The following TENM1 variants were observed in gnomAD, a reference collection of about 807,000 sequenced individuals.
TENM1 encodes the protein teneurin-1.
A neutral mutation model predicts 174.8 loss-of-function variants in TENM1; 35 were observed. The ratio of observed to expected loss-of-function variants is 0.20; its 90% confidence interval spans 0.15 to 0.27. TENM1 has a LOEUF of 0.27. Ranked by LOEUF, TENM1 falls within the 10% of genes least tolerant of loss-of-function variation. TENM1 has a pLI of 1.00. For missense variants in TENM1, 1,633 were observed against 2,130.1 expected, an observed-to-expected ratio of 0.77 and a Z score of 4.59; for synonymous variants, 781 against 798.7, an observed-to-expected ratio of 0.98 and a Z score of 0.37.
chrX:124,612,193 T>C (rs754018130), intron 11 of TENM1, among the ~76,000 whole-genome samples: 2 of 111,250 alleles, frequency 1.8e-5, no homozygotes, highest in Non-Finnish European at 1.9e-5. Context: ...GTTAGAACAA[T>C]GATTTCAAGG....
At chrX:124,914,728 A>G (rs1171502913) in intron 1 of TENM1, among the ~76,000 whole-genome samples, 1 of 111,150 alleles carries the variant, frequency 9.0e-6, no homozygotes, top group Non-Finnish European at 1.9e-5. Flanking sequence ...TTCACATTCA[A>G]TAATCTCTGG....
intron 3 of TENM1, among the ~76,000 whole-genome samples, chrX:124,777,728 A>C (rs1603185365): frequency 8.9e-6 from 1 of 112,575 alleles, no homozygotes; most frequent in South Asian, 3.7e-4. Context: ...TAACATTTAA[A>C]GTGTGGAATA....
At chrX:125,024,236 T>A in the TENM1 span, among the ~76,000 whole-genome samples, 1 of 110,176 alleles carries the variant, frequency 9.1e-6, no homozygotes, top group African/African-American at 3.3e-5. Flanking sequence ...AAGGAAAAAA[T>A]ATCATTATAT....
chrX:125,116,883 C>T, the TENM1 span, among the ~76,000 whole-genome samples: 25 of 109,735 alleles, frequency 2.3e-4, no homozygotes, highest in Admixed American at 2.9e-4. Flanking sequence ...TAGTGGTGTG[C>T]GCCTATATTC....
the TENM1 span, among the ~76,000 whole-genome samples, chrX:125,176,849 A>G: frequency 2.7e-5 from 3 of 111,668 alleles, no homozygotes; most frequent in African/African-American, 9.7e-5. Context: ...AAGATGAATA[A>G]TAACTTCATG....
rs187243837 is a variant in TENM1, at chrX:124,876,421, A to G, written c.535+17875T>C. The stretch of plus-strand genomic sequence containing the variant: ...TTGTAGTGTATTATTTTTCTGTTAT[A>G]TTGCTGGACCTTGTGGGCTAGTATT... On this transcript the variant is annotated intron_variant, in intron 3 of 31. Transcript: ENST00000422452. 2.8e-3 allele frequency among the ~76,000 whole-genome samples: 313 copies of G among 111,352 alleles called. 3 individuals carry two copies. The highest frequency in any genetic ancestry group is 9.9e-3 in the African/African-American group (303 of 30,674).
the TENM1 span, among the ~76,000 whole-genome samples, chrX:125,046,784 G>C: frequency 3.6e-5 from 4 of 110,760 alleles, no homozygotes; most frequent in African/African-American, 1.3e-4. Context: ...AGAAAATTGA[G>C]ACAAAAGAAC....
the TENM1 span, among the ~76,000 whole-genome samples, chrX:124,979,798 A>G: frequency 9.0e-6 from 1 of 111,695 alleles, no homozygotes; most frequent in South Asian, 3.7e-4. Context: ...GAAGGGAAAT[A>G]TGAGGATCAT....
chrX:124,942,590 C>T (rs1418863619), intron 1 of TENM1, among the ~76,000 whole-genome samples: 12 of 111,591 alleles, frequency 1.1e-4, no homozygotes, highest in African/African-American at 3.9e-4. Flanking sequence ...TAGCATTGGG[C>T]AGAGAGGTAA....
chrX:124,734,429 G>A (rs1040861940), intron 4 of TENM1, among the ~76,000 whole-genome samples: 1 of 108,756 alleles, frequency 9.2e-6, no homozygotes, highest in Non-Finnish European at 1.9e-5. Flanking sequence ...CAGCCTGGGC[G>A]ACAGAAGGAG....
chrX:124,520,409 T>C, intron 18 of TENM1, 108 bp downstream of exon 21: 1 of 873,002 alleles, frequency 1.1e-6, no homozygotes, highest in Non-Finnish European at 1.6e-6. Context: ...TTAGGTCCTT[T>C]AAACAGAAGA....
chrX:124,662,235 A>G (rs961266897), intron 6 of TENM1, among the ~76,000 whole-genome samples: 2 of 110,255 alleles, frequency 1.8e-5, no homozygotes, highest in African/African-American at 6.6e-5. Context: ...CGGGCGGATC[A>G]CAAGGTCAGG....
chrX:124,500,308 C>G (rs1461657092), intron 19 of TENM1, among the ~76,000 whole-genome samples: 2 of 111,980 alleles, frequency 1.8e-5, no homozygotes, highest in African/African-American at 6.5e-5. Flanking sequence ...AAAAATAGAT[C>G]ATTTTGAAGG....
chrX:124,703,525 G>T (rs1174801693), intron 5 of TENM1, among the ~76,000 whole-genome samples: 1 of 111,565 alleles, frequency 9.0e-6, no homozygotes, highest in Non-Finnish European at 1.9e-5. Flanking sequence ...TTACACCAAG[G>T]GTTAGGCCTT....
intron 22 of TENM1, among the ~76,000 whole-genome samples, chrX:124,464,898 G>A (rs1169867964): frequency 1.8e-5 from 2 of 111,897 alleles, no homozygotes; most frequent in Non-Finnish European, 3.8e-5. Context: ...TTGTTCAAAG[G>A]GGGCTGGTGA....
the TENM1 span, among the ~76,000 whole-genome samples, chrX:125,095,848 T>C: frequency 9.0e-5 from 10 of 111,600 alleles, no homozygotes; most frequent in African/African-American, 2.6e-4. Flanking sequence ...TTAGAAACCA[T>C]ATTATTACCA....
chrX:124,858,122 A>G (rs1466724354), intron 3 of TENM1, among the ~76,000 whole-genome samples: 1 of 112,312 alleles, frequency 8.9e-6, no homozygotes, highest in Non-Finnish European at 1.9e-5. Flanking sequence ...AAGGTCAAGG[A>G]AAATGTCTAA....
rs201450236 is a variant in TENM1, at chrX:124,700,242, AAAC to A, written c.1015+4768_1015+4770del. Among the ~76,000 whole-genome samples, 925 of 111,687 alleles carry A rather than the reference AAAC, an allele frequency of 8.3e-3. 9 individuals carry two copies. Among genetic ancestry groups the A allele is most frequent in the African/African-American group, 0.029 (890 of 30,828 alleles). Reference sequence around the variant, plus strand: ...CAGCTATTTCAGACCAGGCAGAAGGAAACAACAAACTCATTAGAGGATTCTTGT... The same window carrying A: ...CAGCTATTTCAGACCAGGCAGAAGGAAACAAACTCATTAGAGGATTCTTGT... On this transcript the variant is annotated intron_variant, in intron 5 of 31. Transcript: ENST00000422452.
In TENM1 at chrX:124,953,427, T is replaced by G. The variant is rs1021801865; in HGVS notation, c.217+10110A>C. Among the ~76,000 whole-genome samples, 6 of 111,983 alleles carry G rather than the reference T, an allele frequency of 5.4e-5. No homozygotes were observed. In the East Asian group the frequency reaches 1.1e-3, roughly 21 times the overall value. On this transcript the variant is annotated intron_variant, in intron 1 of 31. Transcript: ENST00000422452. ...CACTAACTTTCCTTTTACATCATTC[T>G]TGAACAGTCCCGCTACTTCAGCCAT...
Sources: gnomAD v4.1 joint callset for allele counts (sites outside exome capture counted in the v4.1 genomes callset) on GRCh38, gnomAD v4.1.1 for gene constraint, MANE v1.5 for transcripts, NCBI Gene and HGNC (gene_info 2026-07-23, HGNC 2026-07-21) for gene names.